ZNF804A: variants seen among roughly 807,000 people sequenced by gnomAD.
ZNF804A encodes the protein zinc finger protein 804A.
Under a neutral mutation model 16.5 loss-of-function variants are expected in ZNF804A, and 2 were observed. The observed-to-expected ratio is 0.12, with a 90% CI of 0.05 to 0.38. ZNF804A has a LOEUF of 0.38. ZNF804A is among the 10% of genes least tolerant of loss of function. The probability of loss-of-function intolerance (pLI) is 0.99; values close to 1 mark genes in which losing one functional copy is unlikely to be tolerated. For synonymous variants in ZNF804A, 534 were observed against 489.6 expected (o/e 1.09, Z -1.20); for missense variants, 1,473 against 1,390.7 (o/e 1.06, Z -0.94).
At chr2:184,614,316 A>G in intron 1 of ZNF804A, among the ~76,000 whole-genome samples, 1 of 152,322 alleles carries the variant, frequency 6.6e-6, no homozygotes, top group South Asian at 2.1e-4. Flanking sequence ...CATAAGACCT[A>G]AAACCATAAA....
chr2:184,809,764 G>A (rs1382281044), intron 1 of ZNF804A, among the ~76,000 whole-genome samples: 1 of 151,844 alleles, frequency 6.6e-6, no homozygotes, highest in African/African-American at 2.4e-5. Flanking sequence ...GTATTTATAT[G>A]TGTATATATG....
rs200192443 is a variant in ZNF804A at position 184,865,851 on chromosome 2, TA to T, written c.112-509del. Reference sequence around the variant, plus strand: ...CATTCTAAATTGATATGGGTCAGGATAAAAAAAAATCAGTCCAGTTAAATGC... The same window carrying T: ...CATTCTAAATTGATATGGGTCAGGATAAAAAAAATCAGTCCAGTTAAATGC... On this transcript the variant is annotated intron_variant, in intron 1 of 3. Coordinates refer to ENST00000302277, the MANE Select transcript of ZNF804A (RefSeq NM_194250.2). Among the ~76,000 whole-genome samples, 26 of 151,564 alleles carry T rather than the reference TA, an allele frequency of 1.7e-4. 1 individual carries two copies. In the South Asian group the frequency reaches 2.3e-3, roughly 13 times the overall value.
At position 184,937,344 on chromosome 2, in the gene ZNF804A, T is replaced by G. The variant is rs1427975248; in HGVS notation, c.1948T>G (p.Leu650Val). ...EKQYLAAEQL[L>V]DSHQLLDKRP... Reference sequence around the variant, plus strand: ...GCAGTATTTAGCTGCAGAGCAATTATTAGACTCACATCAGTTACTTGATAA... The same window carrying G: ...GCAGTATTTAGCTGCAGAGCAATTAGTAGACTCACATCAGTTACTTGATAA... Residue 650 changes from leucine (L) to valine (V), a missense_variant, in exon 4 of 4, where the codon TTA (leucine) becomes GTA (valine). Physicochemically the swap from Leu to Val is conservative, Grantham distance 32 (BLOSUM62 1). Coordinates refer to ENST00000302277, the MANE Select transcript of ZNF804A (RefSeq NM_194250.2). The G allele has an allele frequency of 1.2e-6, 2 of 1,613,918 alleles. No homozygotes were observed. The highest frequency in any genetic ancestry group is 4.5e-5 in the East Asian group (2 of 44,828).
intron 2 of ZNF804A, among the ~76,000 whole-genome samples, chr2:184,909,773 T>G (rs1048942927): frequency 6.6e-6 from 1 of 151,960 alleles, no homozygotes; most frequent in Non-Finnish European, 1.5e-5. Context: ...AAACTGATAT[T>G]TAATAAGAAG....
chr2:184,803,176 ACTTC>A (rs1357605065), intron 1 of ZNF804A, among the ~76,000 whole-genome samples: 1 of 152,182 alleles, frequency 6.6e-6, no homozygotes, highest in Non-Finnish European at 1.5e-5. Context: ...CATATCAGGT[ACTTC>A]TCCTTCAGCC....
intron 2 of ZNF804A, among the ~76,000 whole-genome samples, chr2:184,932,485 T>G (rs1019054448): frequency 6.6e-6 from 1 of 152,096 alleles, no homozygotes; most frequent in Admixed American, 6.5e-5. Flanking sequence ...ATGAGACTCA[T>G]TCACTATCAC....
chr2:184,939,020 C>G lies in ZNF804A; in HGVS notation c.3624C>G (p.Leu1208=). The change falls in exon 4 of 4, where the codon CTC becomes CTG. Residue 1208 remains leucine (L), a synonymous_variant. Coordinates refer to ENST00000302277, the MANE Select transcript of ZNF804A (RefSeq NM_194250.2). ...CTACTGTCATCCCTTTGCAACCTCT[C>G]TTCTAGTCATCACCATAATGGGAAA... is the stretch of plus-strand genomic sequence containing the variant. ...PHPTVIPLQP[L]F is the part of the protein sequence containing the mutation. 1 of 1,612,918 alleles carries G rather than the reference C, an allele frequency of 6.2e-7. No homozygotes were observed. Among genetic ancestry groups the G allele is most frequent in the Non-Finnish European group, 8.5e-7 (1 of 1,179,084 alleles).
chr2:184,715,200 T>A (rs1226877810), intron 1 of ZNF804A, among the ~76,000 whole-genome samples: 1 of 152,130 alleles, frequency 6.6e-6, no homozygotes, highest in African/African-American at 2.4e-5. Flanking sequence ...ACTTATAGAA[T>A]GAGTGTAATT....
At chr2:184,747,219 C>T (rs1455975120) in intron 1 of ZNF804A, among the ~76,000 whole-genome samples, 2 of 146,382 alleles carry the variant, frequency 1.4e-5, no homozygotes, top group Non-Finnish European at 3.0e-5. Flanking sequence ...GAAAACAAAA[C>T]AGAAATGAAA....
intron 2 of ZNF804A, among the ~76,000 whole-genome samples, chr2:184,906,784 C>T (rs1685281486): frequency 6.6e-6 from 1 of 152,118 alleles, no homozygotes; most frequent in Non-Finnish European, 1.5e-5. Context: ...AACATTGTCC[C>T]ATTGGGGCTA....
intron 2 of ZNF804A, among the ~76,000 whole-genome samples, chr2:184,919,675 A>AT (rs1342245588): frequency 1.3e-5 from 2 of 152,124 alleles, no homozygotes; most frequent in Admixed American, 6.5e-5. Context: ...CATCCAGCCA[A>AT]CCCATTGGCC....
chr2:184,845,174 C>T (rs778779921), intron 1 of ZNF804A, among the ~76,000 whole-genome samples: 1 of 151,800 alleles, frequency 6.6e-6, no homozygotes, highest in Non-Finnish European at 1.5e-5. Context: ...TAAATTTTCT[C>T]TTTGATAATT....
intron 1 of ZNF804A, among the ~76,000 whole-genome samples, chr2:184,826,085 C>T (rs1452596857): frequency 1.3e-5 from 2 of 151,820 alleles, no homozygotes; most frequent in East Asian, 1.9e-4. Context: ...AGGGTTTCAC[C>T]GTGCTGGCCA....
chr2:184,828,468 A>G (rs938171823), intron 1 of ZNF804A, among the ~76,000 whole-genome samples: 1 of 151,806 alleles, frequency 6.6e-6, no homozygotes, highest in Admixed American at 6.6e-5. Context: ...AATTGTAAAT[A>G]CAAAGAGCTC....
At chr2:184,820,840 C>G (rs1695067033) in intron 1 of ZNF804A, among the ~76,000 whole-genome samples, 2 of 151,850 alleles carry the variant, frequency 1.3e-5, no homozygotes, top group Non-Finnish European at 2.9e-5. Context: ...AATAAAATAC[C>G]TAGGAATATA....
intron 1 of ZNF804A, among the ~76,000 whole-genome samples, chr2:184,800,434 A>G (rs1694705992): frequency 6.6e-6 from 1 of 151,634 alleles, no homozygotes; most frequent in Non-Finnish European, 1.5e-5. Flanking sequence ...AATACTATAT[A>G]TTTACTCAAA....
At chr2:184,932,947 C>A (rs1261466209) in intron 2 of ZNF804A, among the ~76,000 whole-genome samples, 1 of 152,074 alleles carries the variant, frequency 6.6e-6, no homozygotes, top group African/African-American at 2.4e-5. Flanking sequence ...CTTCCAATAT[C>A]TTGAATTATT....
At position 184,938,813 on chromosome 2, in the gene ZNF804A, C is replaced by G; in HGVS notation, c.3417C>G (p.Thr1139=). 6.2e-7 allele frequency: 1 copy of G among 1,613,912 alleles called. No homozygotes were observed. Residue 1139 remains threonine (T), a synonymous_variant, in exon 4 of 4, where the codon ACC becomes ACG. Transcript: ENST00000302277. The stretch of plus-strand genomic sequence containing the variant: ...TTCTTTCCCAAATCCCAGCTCTCAC[C>G]AGAACCTCATTACCTCAGCTCTCAG... ...QQFLSQIPAL[T]RTSLPQLSVG...
rs1305393668 is a variant in ZNF804A, at chr2:184,935,870, T to C, written c.474T>C (p.Asp158=). 6.2e-7 allele frequency: 1 copy of C among 1,613,880 alleles called. No individual in the cohort carries two copies. Among genetic ancestry groups the C allele is most frequent in the Non-Finnish European group, 8.5e-7 (1 of 1,179,888 alleles). The change falls in exon 4 of 4, where the codon GAT becomes GAC. Residue 158 remains aspartate (D), a synonymous_variant. Transcript: ENST00000302277. The stretch of plus-strand genomic sequence containing the variant: ...AAATTTCCCAACGAGTTGTTGTGGA[T>C]TCAGTTAATAACCAGCAAGATTTCA... ...CNEISQRVVV[D]SVNNQQDFKY...
Sources: allele counts gnomAD v4.1 joint callset (sites outside exome capture counted in the v4.1 genomes callset), GRCh38; gene constraint gnomAD v4.1.1; transcripts MANE v1.5; gene names NCBI Gene and HGNC (gene_info 2026-07-23, HGNC 2026-07-21).